Variants in RFWD3 observed in about 807,000 individuals in gnomAD.
RFWD3 encodes ring finger and WD repeat domain 3.
In RFWD3, 65 loss-of-function variants were observed where a neutral mutation model predicts 87.7. The ratio of observed to expected loss-of-function variants is 0.74; its 90% confidence interval spans 0.61 to 0.91. The LOEUF (loss-of-function observed/expected upper bound fraction) is 0.91, where lower values mean the gene tolerates loss of function less well. Ranked by LOEUF, RFWD3 falls within the 40% of genes least tolerant of loss-of-function variation. The probability of loss-of-function intolerance (pLI) is 0.00; values close to 1 mark genes in which losing one functional copy is unlikely to be tolerated. For missense variants in RFWD3, 1,078 were observed against 938.5 expected, an observed-to-expected ratio of 1.15 and a Z score of -1.94; for synonymous variants, 433 against 352.8, an observed-to-expected ratio of 1.23 and a Z score of -2.55.
chr16:74,660,324 G>A (rs981579272), intron 2 of RFWD3, among the ~76,000 whole-genome samples: 5 of 152,134 alleles, frequency 3.3e-5, no homozygotes, highest in Admixed American at 1.3e-4. Context: ...GTGGTGGCAC[G>A]CGCCTGTAAT....
At chr16:74,660,808 G>C in intron 2 of RFWD3, 124 bp downstream of exon 2, 1 of 1,017,096 alleles carries the variant, frequency 9.8e-7, no homozygotes, top group Non-Finnish European at 1.5e-6. Context: ...CACCTATGAG[G>C]AACTGGGGGT....
Position 74,628,699 on chromosome 16 carries a change from C to T in RFWD3, c.1755-33G>A, listed in dbSNP as rs11149759. 0.26 allele frequency: 417,305 copies of T among 1,604,828 alleles called. 61,712 individuals carry two copies. The highest frequency in any genetic ancestry group is 0.51 in the South Asian group (46,169 of 90,890). On this transcript the variant is annotated intron_variant, in intron 10 of 12. Coordinates refer to ENST00000361070, the MANE Select transcript of RFWD3 (RefSeq NM_018124.4). ...GAAAGTAAGGAAACTGTATCTCACA[C>T]TCCAAAACTCGGACGGCTCCAGACC...
chr16:74,646,896 C>A (rs947442238), intron 4 of RFWD3, among the ~76,000 whole-genome samples: 1 of 150,298 alleles, frequency 6.7e-6, no homozygotes, highest in Non-Finnish European at 1.5e-5. Flanking sequence ...CACGGTGAAA[C>A]CCCGTCTCAA....
In RFWD3 at chr16:74,648,528, T is replaced by C. The variant is rs764132999; in HGVS notation, c.792+604A>G. Among the ~76,000 whole-genome samples the C allele has an allele frequency of 1.4e-3, 207 of 151,028 alleles. 1 individual carries two copies. The highest frequency in any genetic ancestry group is 6.8e-3 in the Middle Eastern group (2 of 292). On this transcript the variant is annotated intron_variant, in intron 4 of 12. Transcript: ENST00000361070. ...TGGCTCACACCTATAATCCCAGCAC[T>C]TTGGGAGGCCGAGGTGGGTGGATCA... is the stretch of plus-strand genomic sequence containing the variant.
chr16:74,659,109 T>C (rs760077932), intron 2 of RFWD3, among the ~76,000 whole-genome samples: 6 of 152,148 alleles, frequency 3.9e-5, no homozygotes, highest in Non-Finnish European at 5.9e-5. Flanking sequence ...GGCTCTCTAG[T>C]GGTTCTGTTT....
intron 6 of RFWD3, among the ~76,000 whole-genome samples, chr16:74,638,792 T>C (rs1959372884): frequency 6.6e-6 from 1 of 152,198 alleles, no homozygotes; most frequent in Non-Finnish European, 1.5e-5. Context: ...AATACAGTCA[T>C]GTGCAGCTTA....
chr16:74,659,601 C>A (rs201749412), intron 2 of RFWD3, among the ~76,000 whole-genome samples: 15 of 148,648 alleles, frequency 1.0e-4, no homozygotes, highest in East Asian at 2.0e-4. Context: ...GTCTTAAAAA[C>A]AAAAAAAAAA....
chr16:74,666,088 C>T (rs1240152999), intron 1 of RFWD3, among the ~76,000 whole-genome samples: 2 of 150,546 alleles, frequency 1.3e-5, no homozygotes, highest in Non-Finnish European at 1.5e-5. Context: ...GAGAGGGAGA[C>T]GGGAGGGGAA....
At chr16:74,646,081 A>T (rs557098688) in intron 4 of RFWD3, among the ~76,000 whole-genome samples, 1 of 152,180 alleles carries the variant, frequency 6.6e-6, no homozygotes, top group East Asian at 1.9e-4. Flanking sequence ...ATTATATAAG[A>T]TTGTTCCAAG....
intron 9 of RFWD3, among the ~76,000 whole-genome samples, chr16:74,632,060 T>C (rs1318763424): frequency 1.3e-5 from 2 of 152,144 alleles, no homozygotes; most frequent in East Asian, 1.9e-4. Flanking sequence ...ATATTTTAAA[T>C]GGATCTCAGA....
At chr16:74,632,370 TGACAGAGC>T (rs1959125961) in intron 9 of RFWD3, among the ~76,000 whole-genome samples, 145 bp downstream of exon 9, 1 of 151,860 alleles carries the variant, frequency 6.6e-6, no homozygotes, top group Admixed American at 6.6e-5. Flanking sequence ...CCAGCCTGGG[TGACAGAGC>T]GAGACTCCAT....
At chr16:74,641,494 A>T (rs1959641489) in intron 6 of RFWD3, among the ~76,000 whole-genome samples, 1 of 152,050 alleles carries the variant, frequency 6.6e-6, no homozygotes, top group Non-Finnish European at 1.5e-5. Context: ...GAGAACTAGA[A>T]TATTATCAAG....
In RFWD3 at chr16:74,626,478, G is replaced by A; in HGVS notation, c.2046C>T (p.Cys682=). 6.2e-7 allele frequency: 1 copy of A among 1,614,134 alleles called. No homozygotes were observed. Residue 682 remains cysteine, a synonymous_variant, in exon 12 of 13, where the codon TGC becomes TGT. Coordinates refer to ENST00000361070, the MANE Select transcript of RFWD3 (RefSeq NM_018124.4). The stretch of plus-strand genomic sequence containing the variant: ...AAAATGTATGTACAGGCTGGCAGGA[G>A]CAGATTGGATTTCCAGTGTCATCCA... The part of the protein sequence containing the change: ...YRLDDTGNPI[C]SCQPVHTFFG...
intron 1 of RFWD3, among the ~76,000 whole-genome samples, chr16:74,661,770 G>A (rs1597461213): frequency 6.6e-6 from 1 of 152,290 alleles, no homozygotes; most frequent in Admixed American, 6.5e-5. Context: ...TAATCTCTCA[G>A]ACACTTTGCA....
intron 6 of RFWD3, among the ~76,000 whole-genome samples, chr16:74,639,036 CTTTTTTT>C (rs564298799): frequency 3.0e-5 from 4 of 132,112 alleles, no homozygotes; most frequent in African/African-American, 5.8e-5. Context: ...TGAGCTAAGA[CTTTTTTT>C]TTTTTTTTTT....
chr16:74,628,527 G>A lies in RFWD3; in HGVS notation c.1894C>T (p.Pro632Ser). The change falls in exon 11 of 13, where the codon CCC (proline) becomes TCC (serine). Residue 632 changes from proline (P) to serine (S), a missense_variant. Physicochemically the swap from Pro to Ser is moderately conservative, Grantham distance 74. Transcript: ENST00000361070. ...TCTATGCAGCCCCCTGGCTCCAAGG[G>A]CAGCACATGAGGCCAATGAGAAAAG... The part of the protein sequence containing the change: ...MDFSHWPHVL[P>S]LEPGGCIDFQ... The A allele has an allele frequency of 6.2e-7, 1 of 1,614,196 alleles. No homozygotes were observed. Among genetic ancestry groups the A allele is most frequent in the East Asian group, 2.2e-5 (1 of 44,876 alleles).
rs527312027 is a variant in RFWD3, at chr16:74,628,380, A to C, written c.1969+72T>G. On this transcript the variant is annotated intron_variant, in intron 11 of 12. Transcript: ENST00000361070. ...GTACCACAGCCACCCAAAGGGTAGG[A>C]TCAAACCCTCCTTCCCTTTTCTCTA... 7.6e-6 allele frequency: 11 copies of C among 1,455,508 alleles called. No homozygotes were observed. In the African/African-American group the frequency reaches 1.5e-4, roughly 20 times the overall value. 90.2% of individuals were successfully genotyped at this position (1,455,508 alleles called of 1,614,324 possible).
chr16:74,664,334 A>G (rs1961704915), intron 1 of RFWD3: 2 of 152,288 alleles, frequency 1.3e-5, no homozygotes, highest in Non-Finnish European at 2.9e-5. Context: ...AGCTACTTCT[A>G]GATGTACTCA....
rs1876424855 is a variant in RFWD3, at chr16:74,660,965, C to G, written c.485G>C (p.Arg162Thr). 6.2e-7 allele frequency: 1 copy of G among 1,613,984 alleles called. No individual in the cohort carries two copies. Among genetic ancestry groups the G allele is most frequent in the African/African-American group, 1.3e-5 (1 of 74,906 alleles). The change falls in exon 2 of 13, where the codon AGA becomes ACA. Residue 162 changes from arginine (R) to threonine (T), a missense_variant. Arg to Thr is a moderately conservative substitution (Grantham distance 71). Coordinates refer to ENST00000361070, the MANE Select transcript of RFWD3 (RefSeq NM_018124.4). Reference protein sequence around the residue: ...RRRVSASRRARAGGSQRTDSA... With the variant: ...RRRVSASRRATAGGSQRTDSA... Reference sequence around the variant, plus strand: ...GTCTGTCCTCTGAGACCCTCCGGCTCTTGCCCTCCGTGAAGCAGATACCCT... The same window carrying G: ...GTCTGTCCTCTGAGACCCTCCGGCTGTTGCCCTCCGTGAAGCAGATACCCT...
Sources: allele counts gnomAD v4.1 joint callset (sites outside exome capture counted in the v4.1 genomes callset), GRCh38; gene constraint gnomAD v4.1.1; transcripts MANE v1.5; gene names NCBI Gene and HGNC (gene_info 2026-07-23, HGNC 2026-07-21).